The following SPTA1 variants were observed in gnomAD, a reference collection of about 807,000 sequenced individuals.
The protein encoded by SPTA1 is spectrin alpha chain, erythrocytic 1.
A neutral mutation model predicts 324.7 loss-of-function variants in SPTA1; 177 were observed. The ratio of observed to expected loss-of-function variants is 0.55; its 90% CI spans 0.48 to 0.62. The LOEUF is 0.62. Ranked by LOEUF, SPTA1 falls within the 20% of genes least tolerant of loss-of-function variation. The pLI, the probability that SPTA1 is intolerant of heterozygous loss-of-function variation, is 0.00. For missense variants in SPTA1, 3,162 were observed against 2,883.6 expected (o/e 1.10, Z -2.21); for synonymous variants, 1,195 against 1,041.3 (o/e 1.15, Z -2.84).
At chr1:158,658,751 G>GA (rs200590734) in intron 18 of SPTA1, among the ~76,000 whole-genome samples, 4 of 151,818 alleles carry the variant, frequency 2.6e-5, no homozygotes, top group Non-Finnish European at 5.9e-5. Flanking sequence ...GGTAGAGGGG[G>GA]AAAAAAAGAC....
intron 17 of SPTA1, among the ~76,000 whole-genome samples, chr1:158,661,666 T>C (rs1387327986): frequency 6.6e-6 from 1 of 152,204 alleles, no homozygotes; most frequent in Non-Finnish European, 1.5e-5. Context: ...TGTTGAAAGA[T>C]AGGTATGAAG....
At position 158,674,419 on chromosome 1, in the gene SPTA1, G is replaced by A; in HGVS notation, c.1260C>T (p.Asp420=). The A allele has an allele frequency of 6.2e-7, 1 of 1,614,112 alleles. No homozygotes were observed. Among genetic ancestry groups the A allele is most frequent in the Non-Finnish European group, 8.5e-7 (1 of 1,179,976 alleles). The stretch of plus-strand genomic sequence containing the variant: ...CAGATTGAAATCGGTCATCGTAAGA[G>A]TCAATCTCATGCTGTGGCCACAAAA... ...DRHQQHKHEI[D]SYDDRFQSAD... The change falls in exon 10 of 52, where the codon GAC becomes GAT. Residue 420 remains aspartate, a synonymous_variant. Coordinates refer to ENST00000643759, the MANE Select transcript of SPTA1 (RefSeq NM_003126.4).
rs776930563 is a variant in SPTA1 at position 158,667,965 on chromosome 1, C to A, written c.1931G>T (p.Gly644Val). 4 of 1,613,860 alleles carry A rather than the reference C, an allele frequency of 2.5e-6. No homozygotes were observed. The highest frequency in any genetic ancestry group is 3.4e-6 in the Non-Finnish European group (4 of 1,179,988). ...GTGACCACCCTCAATCATCTCTTGG[C>A]CAGTTTTCTGTATGTTTTCCAGCTG... The part of the protein sequence containing the change: ...KTQLENIQKT[G>V]QEMIEGGHYA... The change falls in exon 15 of 52, where the codon GGC (glycine) becomes GTC (valine). Residue 644 changes from glycine (G) to valine (V), a missense_variant. Physicochemically the swap from Gly to Val is moderately radical, Grantham distance 109 (BLOSUM62 -3). Coordinates refer to ENST00000643759, the MANE Select transcript of SPTA1 (RefSeq NM_003126.4).
intron 24 of SPTA1, among the ~76,000 whole-genome samples, chr1:158,650,950 C>T (rs1199706229): frequency 6.6e-6 from 1 of 152,128 alleles, no homozygotes; most frequent in Non-Finnish European, 1.5e-5. Context: ...AGAGACTTGT[C>T]TGAGGACACA....
intron 51 of SPTA1, chr1:158,612,498 T>G (rs1649318976): frequency 2.7e-6 from 1 of 363,690 alleles, no homozygotes; most frequent in East Asian, 6.9e-5. Context: ...TACTAAAGTT[T>G]GCACTCCTCA....
At chr1:158,651,517 G>T in intron 23 of SPTA1, 49 bp from the exon 24 acceptor site, 1 of 1,251,848 alleles carries the variant, frequency 8.0e-7, no homozygotes, top group Non-Finnish European at 1.2e-6. Context: ...CCAAAGCAGT[G>T]TAAATCCCCT....
intron 22 of SPTA1, 58 bp from the exon 23 acceptor site, chr1:158,652,711 G>C: frequency 6.3e-7 from 1 of 1,583,198 alleles, no homozygotes; most frequent in South Asian, 1.1e-5. Flanking sequence ...GAAGAGTAGA[G>C]GCTGAGTGAC....
Position 158,620,455 on chromosome 1 carries a change from C to G in SPTA1, c.6132G>C (p.Leu2044=), listed in dbSNP as rs186987240. 3,036 of 1,612,842 alleles carry G rather than the reference C, an allele frequency of 1.9e-3. 4 individuals are homozygous for G. Among genetic ancestry groups the G allele is most frequent in the Middle Eastern group, 3.2e-3 (16 of 4,992 alleles). The change falls in exon 44 of 52, where the codon CTG becomes CTC. Residue 2044 remains leucine, a synonymous_variant. Coordinates refer to ENST00000643759, the MANE Select transcript of SPTA1 (RefSeq NM_003126.4). ...AAGCCTTATGTGCAAATTCCACGAA[C>G]AGGTCCTCAGCCTGCAGAGAGAAAA... is the stretch of plus-strand genomic sequence containing the variant. The part of the protein sequence containing the change: ...KQLPLQKAED[L]FVEFAHKASA...
Position 158,623,065 on chromosome 1 carries a change from A to C in SPTA1, c.6038T>G (p.Leu2013Arg). The stretch of plus-strand genomic sequence containing the variant: ...CAGCAACTGTTCCCAGCGCTTCAGC[A>C]GAGCGGCATAACGCTCTTCAATGGC... ...SKAIEERYAA[L>R]LKRWEQLLEA... Residue 2013 changes from leucine (L) to arginine (R), a missense_variant, in exon 43 of 52, where the codon CTG (leucine) becomes CGG (arginine). Transcript: ENST00000643759. 2 of 1,614,186 alleles carry C rather than the reference A, an allele frequency of 1.2e-6. No individual in the cohort carries two copies. Among genetic ancestry groups the C allele is most frequent in the East Asian group, 2.2e-5 (1 of 44,872 alleles).
chr1:158,666,420 C>T lies in SPTA1; in HGVS notation c.2116G>A (p.Val706Ile), dbSNP rs1461322252. ...TCCTCAGAGGTGACTTGCCACTCAA[C>T]ATCCTCCAGCCAGCGCTGCAAATCT... ...AEDLQRWLEDVEWQVTSEDYG... is the reference protein window; with the variant it reads ...AEDLQRWLEDIEWQVTSEDYG... Residue 706 changes from valine to isoleucine, a missense_variant, in exon 16 of 52, where the codon GTT (valine) becomes ATT (isoleucine). Coordinates refer to ENST00000643759, the MANE Select transcript of SPTA1 (RefSeq NM_003126.4). The T allele has an allele frequency of 1.2e-6, 2 of 1,613,762 alleles. No homozygotes were observed. The highest frequency in any genetic ancestry group is 1.7e-6 in the Non-Finnish European group (2 of 1,179,984).
intron 51 of SPTA1, chr1:158,611,602 T>C: frequency 2.0e-6 from 1 of 497,488 alleles, no homozygotes; most frequent in Non-Finnish European, 3.5e-6. Context: ...AAAAGAGAGC[T>C]TACTCACTTT....
chr1:158,635,871 CA>C, intron 38 of SPTA1, 41 bp downstream of exon 38: 1 of 1,613,964 alleles, frequency 6.2e-7, no homozygotes, highest in Non-Finnish European at 8.5e-7. Context: ...GCCCAATATC[CA>C]AAATCCAGGA....
chr1:158,650,717 T>C (rs1652361425), intron 24 of SPTA1, among the ~76,000 whole-genome samples: 1 of 152,230 alleles, frequency 6.6e-6, no homozygotes, highest in Non-Finnish European at 1.5e-5. Context: ...GAGGTGAGTA[T>C]GTGTTGTAAT....
chr1:158,637,771 A>T (rs892059454), intron 36 of SPTA1, among the ~76,000 whole-genome samples: 3 of 152,204 alleles, frequency 2.0e-5, no homozygotes, highest in African/African-American at 7.2e-5. Flanking sequence ...TACAGAGCAA[A>T]TGCAGATGGC....
intron 51 of SPTA1, 112 bp downstream of exon 51, chr1:158,612,705 C>CT: frequency 7.5e-6 from 9 of 1,204,940 alleles, no homozygotes; most frequent in Non-Finnish European, 1.1e-5. Context: ...AAGGGGAGGT[C>CT]TGAAAAAAAA....
intron 35 of SPTA1, chr1:158,639,375 T>C (rs1651354101): frequency 1.7e-6 from 1 of 605,592 alleles, no homozygotes; most frequent in African/African-American, 1.9e-5. Flanking sequence ...AATCTTAAAG[T>C]CTATAGTTTA....
Position 158,640,988 on chromosome 1 carries a change from C to A in SPTA1, c.4738-981G>T, listed in dbSNP as rs1571424212. ...ATAGACCAACGGAACAGAACAGAGCCCTCAGAAATAATGCTGCTTATCTAC... is the reference window on the plus strand; with the variant it reads ...ATAGACCAACGGAACAGAACAGAGCACTCAGAAATAATGCTGCTTATCTAC... On this transcript the variant is annotated intron_variant, in intron 33 of 51. Transcript: ENST00000643759. Among the ~76,000 whole-genome samples the A allele has an allele frequency of 2.6e-5, 4 of 152,202 alleles. No individual in the cohort carries two copies. In the South Asian group the frequency reaches 8.3e-4, roughly 32 times the overall value.
At chr1:158,638,715 C>T (rs1471615379) in intron 35 of SPTA1, among the ~76,000 whole-genome samples, 1 of 125,928 alleles carries the variant, frequency 7.9e-6, no homozygotes, top group Non-Finnish European at 1.6e-5. Context: ...ACTTGGGAGG[C>T]TGAGGCAGGA....
intron 20 of SPTA1, 123 bp downstream of exon 20, chr1:158,656,441 G>A (rs973546686): frequency 2.6e-5 from 23 of 878,540 alleles, no homozygotes; most frequent in East Asian, 9.7e-5. Context: ...AAGGGTCATA[G>A]AACTTAGTGT....
Sources: gnomAD v4.1 joint callset for allele counts (sites outside exome capture counted in the v4.1 genomes callset) on GRCh38, gnomAD v4.1.1 for gene constraint, MANE v1.5 for transcripts, NCBI Gene and HGNC (gene_info 2026-07-23, HGNC 2026-07-21) for gene names.